The following TIGAR variants were observed in gnomAD, a reference collection of about 807,000 sequenced individuals.
The protein encoded by TIGAR is fructose-2,6-bisphosphatase TIGAR.
In TIGAR, 7 loss-of-function variants were observed where a neutral mutation model predicts 17.9. The ratio of observed to expected loss-of-function variants is 0.39; its 90% CI spans 0.22 to 0.73. The LOEUF (loss-of-function observed/expected upper bound fraction) is 0.73. Ranked by LOEUF, TIGAR falls within the 30% of genes least tolerant of loss-of-function variation. The pLI, the probability that TIGAR is intolerant of heterozygous loss-of-function variation, is 0.42. For missense variants in TIGAR, 258 were observed against 327.4 expected (o/e 0.79, Z 1.64); for synonymous variants, 94 against 108.6 (o/e 0.87, Z 0.84).
chr12:4,322,745 C>T (rs891016070), intron 1 of TIGAR, among the ~76,000 whole-genome samples: 1 of 152,074 alleles, frequency 6.6e-6, no homozygotes, highest in African/African-American at 2.4e-5. Flanking sequence ...CTAAAATTGT[C>T]TGTTTAGGAT....
chr12:4,323,145 G>T (rs1056700067), intron 1 of TIGAR, among the ~76,000 whole-genome samples: 2 of 135,172 alleles, frequency 1.5e-5, no homozygotes, highest in Non-Finnish European at 3.4e-5. Flanking sequence ...GCATGCCTGT[G>T]AACCTAGCTA....
chr12:4,356,978 T>G lies in TIGAR; in HGVS notation c.*4287T>G, dbSNP rs1864910458. On this transcript the variant is annotated 3_prime_UTR_variant, in exon 6 of 6. Transcript: ENST00000179259. ...ATTCATTTCCATTTTTGGATGAGGA[T>G]TCTCCTTTATTGCTTTTTAACTAAA... Among the ~76,000 whole-genome samples the G allele has an allele frequency of 6.6e-6, 1 of 152,250 alleles. No homozygotes were observed. The highest frequency in any genetic ancestry group is 2.4e-5 in the African/African-American group (1 of 41,470).
chr12:4,359,192 T>G lies in TIGAR; in HGVS notation c.*6501T>G, dbSNP rs1398268720. Among the ~76,000 whole-genome samples, 1 of 152,180 alleles carries G rather than the reference T, an allele frequency of 6.6e-6. No homozygotes were observed. Among genetic ancestry groups the G allele is most frequent in the Non-Finnish European group, 1.5e-5 (1 of 68,022 alleles). ...TTGGCATTCTGTACTAAGACAGCTTTACCCTTCTTGCCTACTTATTTATGT... is the reference window on the plus strand; with the variant it reads ...TTGGCATTCTGTACTAAGACAGCTTGACCCTTCTTGCCTACTTATTTATGT... On this transcript the variant is annotated 3_prime_UTR_variant, in exon 6 of 6. Coordinates refer to ENST00000179259, the MANE Select transcript of TIGAR (RefSeq NM_020375.3).
chr12:4,351,118 T>G, intron 4 of TIGAR, 149 bp from the exon 5 acceptor site: 1 of 664,998 alleles, frequency 1.5e-6, no homozygotes, highest in Non-Finnish European at 2.6e-6. Flanking sequence ...GAGTACATTC[T>G]CATTATCAGT....
At chr12:4,345,909 G>C (rs1285761207) in intron 3 of TIGAR, among the ~76,000 whole-genome samples, 1 of 151,858 alleles carries the variant, frequency 6.6e-6, no homozygotes, top group African/African-American at 2.4e-5. Context: ...AAACAAATTT[G>C]CAAGAAAAAA....
intron 1 of TIGAR, among the ~76,000 whole-genome samples, chr12:4,328,266 A>C (rs1864567732): frequency 6.6e-6 from 1 of 151,886 alleles, no homozygotes; most frequent in African/African-American, 2.4e-5. Context: ...ATCTTGGCTC[A>C]CTGCAACCTC....
At chr12:4,338,759 C>T (rs139920974) in intron 3 of TIGAR, among the ~76,000 whole-genome samples, 11 of 151,962 alleles carry the variant, frequency 7.2e-5, no homozygotes, top group African/African-American at 2.7e-4. Context: ...GGGAGGATTG[C>T]CTGAGCTCAG....
intron 2 of TIGAR, among the ~76,000 whole-genome samples, chr12:4,333,326 G>C (rs928177399): frequency 6.9e-6 from 1 of 145,656 alleles, no homozygotes. Context: ...GTCTTGCTCT[G>C]TCACCCAGGG....
intron 3 of TIGAR, among the ~76,000 whole-genome samples, chr12:4,338,903 G>T (rs1864688179): frequency 6.7e-6 from 1 of 148,436 alleles, no homozygotes; most frequent in Non-Finnish European, 1.5e-5. Flanking sequence ...TTGAACCTGG[G>T]AGGCAGAGGT....
chr12:4,322,941 G>A (rs1366807649), intron 1 of TIGAR, among the ~76,000 whole-genome samples: 14 of 151,920 alleles, frequency 9.2e-5, no homozygotes, highest in Admixed American at 9.2e-4. Flanking sequence ...CTTTCTAGAC[G>A]CCTGACCCAG....
At chr12:4,342,999 A>G (rs754023180) in intron 3 of TIGAR, among the ~76,000 whole-genome samples, 1 of 152,188 alleles carries the variant, frequency 6.6e-6, no homozygotes. Context: ...TCCGTCTCAC[A>G]TGCAGAGACA....
chr12:4,340,529 C>T (rs1259063262), intron 3 of TIGAR, among the ~76,000 whole-genome samples: 1 of 152,190 alleles, frequency 6.6e-6, no homozygotes, highest in African/African-American at 2.4e-5. Flanking sequence ...TGACATTCTT[C>T]ACAGAAGTAG....
rs1348086225 is a variant in TIGAR at position 4,355,146 on chromosome 12, T to TA, written c.*2456dup. On this transcript the variant is annotated 3_prime_UTR_variant, in exon 6 of 6. Coordinates refer to ENST00000179259, the MANE Select transcript of TIGAR (RefSeq NM_020375.3). ...AGAAGACTTCTCTACCATGAGGTCA[T>TA]ACAGTAATGTCTTCTTACAGTTTTT... Among the ~76,000 whole-genome samples the TA allele has an allele frequency of 6.6e-6, 1 of 152,230 alleles. No individual in the cohort carries two copies. The highest frequency in any genetic ancestry group is 6.5e-5 in the Admixed American group (1 of 15,278).
At chr12:4,326,091 G>A (rs1442128776) in intron 1 of TIGAR, among the ~76,000 whole-genome samples, 1 of 152,206 alleles carries the variant, frequency 6.6e-6, no homozygotes, top group Non-Finnish European at 1.5e-5. Context: ...AATGAATGAT[G>A]TATATTTGTA....
intron 1 of TIGAR, chr12:4,324,528 C>A: frequency 6.2e-7 from 1 of 1,609,562 alleles, no homozygotes; most frequent in Non-Finnish European, 8.5e-7. Context: ...TGTAGACGCC[C>A]ACCATGCTGC....
chr12:4,328,938 TAGAAA>T, intron 1 of TIGAR, among the ~76,000 whole-genome samples: 1 of 152,336 alleles, frequency 6.6e-6, no homozygotes, highest in East Asian at 1.9e-4. Context: ...TCTACATATT[TAGAAA>T]TCAAAACAAT....
intron 1 of TIGAR, chr12:4,324,672 G>A: frequency 1.8e-6 from 2 of 1,102,716 alleles, no homozygotes; most frequent in South Asian, 1.3e-5. Flanking sequence ...GCAGGCCCGG[G>A]TTCACTTGCG....
Position 4,343,783 on chromosome 12 carries a change from A to G in TIGAR, c.193-6036A>G, listed in dbSNP as rs558999621. Among the ~76,000 whole-genome samples the G allele has an allele frequency of 3.5e-4, 53 of 152,364 alleles. 4 individuals carry two copies. The South Asian group carries it at 0.01, about 30-fold the overall frequency. ...ATGCTCACAGGAGAAAGCAGGAAAG[A>G]TCTAAAGTTGGCACCCTAACATCAC... is the stretch of plus-strand genomic sequence containing the variant. On this transcript the variant is annotated intron_variant, in intron 3 of 5. Coordinates refer to ENST00000179259, the MANE Select transcript of TIGAR (RefSeq NM_020375.3).
At chr12:4,322,074 C>T (rs1864486942) in intron 1 of TIGAR, among the ~76,000 whole-genome samples, 2 of 152,132 alleles carry the variant, frequency 1.3e-5, no homozygotes, top group Non-Finnish European at 2.9e-5. Flanking sequence ...CTGCTCACTG[C>T]AACCTCCCGC....
Sources: gnomAD v4.1 joint callset for allele counts (sites outside exome capture counted in the v4.1 genomes callset) on GRCh38, gnomAD v4.1.1 for gene constraint, MANE v1.5 for transcripts, NCBI Gene and HGNC (gene_info 2026-07-23, HGNC 2026-07-21) for gene names.